Variants in UCHL1 observed in about 807,000 individuals in gnomAD.
UCHL1 encodes the protein ubiquitin carboxyl-terminal hydrolase isozyme L1.
UCHL1 carries 5 observed loss-of-function variants against 33.3 expected under a neutral mutation model. The ratio of observed to expected loss-of-function variants is 0.15; its 90% CI spans 0.08 to 0.32. The LOEUF is 0.32. Among genes scored for constraint, UCHL1 ranks in the 10% least tolerant of loss-of-function variants. UCHL1 has a pLI of 1.00. For synonymous variants in UCHL1, 132 were observed against 108.8 expected (o/e 1.21, Z -1.33); for missense variants, 236 against 280.0 (o/e 0.84, Z 1.12).
chr4:41,264,703 A>G (rs1448727385), intron 8 of UCHL1, among the ~76,000 whole-genome samples: 2 of 152,230 alleles, frequency 1.3e-5, no homozygotes, highest in Non-Finnish European at 2.9e-5. Context: ...TCCTGGACAG[A>G]AAAGTGATTC....
chr4:41,266,925 T>A (rs1219039685), intron 8 of UCHL1, among the ~76,000 whole-genome samples: 1 of 152,172 alleles, frequency 6.6e-6, no homozygotes, highest in African/African-American at 2.4e-5. Flanking sequence ...GTTGGTGATT[T>A]CTAAATTTTA....
At chr4:41,263,129 AAATC>A (rs1781099667) in intron 6 of UCHL1, 92 bp from the exon 7 acceptor site, 9 of 963,382 alleles carry the variant, frequency 9.3e-6, no homozygotes, top group South Asian at 2.6e-5. Context: ...TAATTTCTAA[AAATC>A]AAGTCAGTTC....
chr4:41,264,452 A>G (rs1354019764), intron 8 of UCHL1: 2 of 481,756 alleles, frequency 4.2e-6, no homozygotes, highest in African/African-American at 2.0e-5. Context: ...GATTAAGGTG[A>G]CCATTGTCCT....
chr4:41,257,253 G>C (rs1780991512), intron 2 of UCHL1, 127 bp downstream of exon 2: 7 of 1,442,512 alleles, frequency 4.9e-6, no homozygotes, highest in African/African-American at 1.4e-5. Flanking sequence ...GCCGGGCTGG[G>C]GCGTGGGCTG....
At chr4:41,264,426 C>A (rs1781122394) in intron 8 of UCHL1, 1 of 526,696 alleles carries the variant, frequency 1.9e-6, no homozygotes, top group South Asian at 2.0e-5. Flanking sequence ...AAAGCTGTTG[C>A]TTTGCTTCCT....
intron 8 of UCHL1, among the ~76,000 whole-genome samples, chr4:41,267,454 G>A (rs1781172594): frequency 6.6e-6 from 1 of 152,076 alleles, no homozygotes; most frequent in African/African-American, 2.4e-5. Context: ...CACCATGTTG[G>A]CCAGGATGGT....
chr4:41,261,295 G>T (rs1350319550), intron 4 of UCHL1, among the ~76,000 whole-genome samples: 1 of 152,196 alleles, frequency 6.6e-6, no homozygotes, highest in Non-Finnish European at 1.5e-5. Flanking sequence ...GTATATAATA[G>T]ATGTTAACTG....
chr4:41,264,281 T>A (rs1781120649), intron 8 of UCHL1, 120 bp downstream of exon 8: 1 of 1,249,536 alleles, frequency 8.0e-7, no homozygotes, highest in Non-Finnish European at 1.2e-6. Flanking sequence ...TTAATAGCAG[T>A]CTTTAGGGCT....
At chr4:41,264,050 G>T (rs1206202114) in intron 7 of UCHL1, 53 bp from the exon 8 acceptor site, 30 of 1,609,934 alleles carry the variant, frequency 1.9e-5, no homozygotes, top group Non-Finnish European at 2.2e-5. Context: ...AGGTAAGCAC[G>T]GTAGCCAGAA....
intron 6 of UCHL1, among the ~76,000 whole-genome samples, chr4:41,262,416 G>T (rs1248868554): frequency 6.6e-6 from 1 of 152,118 alleles, no homozygotes; most frequent in East Asian, 1.9e-4. Flanking sequence ...GCTGCACTCC[G>T]GTCTGGGTGA....
At chr4:41,262,142 A>C (rs1561081142) in intron 6 of UCHL1, among the ~76,000 whole-genome samples, 2 of 152,208 alleles carry the variant, frequency 1.3e-5, no homozygotes, top group Non-Finnish European at 2.9e-5. Flanking sequence ...GTAAATTCAA[A>C]TTGACAGTAT....
At chr4:41,260,387 G>T (rs1201440737) in intron 3 of UCHL1, among the ~76,000 whole-genome samples, 1 of 152,220 alleles carries the variant, frequency 6.6e-6, no homozygotes, top group Non-Finnish European at 1.5e-5. Flanking sequence ...TCTAGACACA[G>T]CCTTGGGCAG....
At chr4:41,263,330 A>G (rs1354089666) in intron 7 of UCHL1, 39 bp downstream of exon 7, 16 of 1,574,790 alleles carry the variant, frequency 1.0e-5, no homozygotes, top group Non-Finnish European at 1.4e-5. Flanking sequence ...GTGTAGTTTC[A>G]TGTGTTCTTT....
At chr4:41,257,282 C>G in intron 2 of UCHL1, 156 bp downstream of exon 2, 3 of 1,231,656 alleles carry the variant, frequency 2.4e-6, no homozygotes, top group Non-Finnish European at 3.3e-6. Context: ...TCCTGGGCCC[C>G]TGCATTTAGC....
At chr4:41,260,395 C>T (rs1420924408) in intron 3 of UCHL1, among the ~76,000 whole-genome samples, 1 of 152,160 alleles carries the variant, frequency 6.6e-6, no homozygotes, top group African/African-American at 2.4e-5. Context: ...CAGCCTTGGG[C>T]AGTATCCAAG....
chr4:41,261,658 A>G (rs1580925246), intron 4 of UCHL1, 57 bp from the exon 5 acceptor site: 2 of 1,571,786 alleles, frequency 1.3e-6, no homozygotes, highest in East Asian at 4.5e-5. Flanking sequence ...GTCAACAATA[A>G]ATATGTACCC....
At chr4:41,264,042 G>T in intron 7 of UCHL1, 61 bp from the exon 8 acceptor site, 1 of 1,605,956 alleles carries the variant, frequency 6.2e-7, no homozygotes, top group East Asian at 2.2e-5. Context: ...TCTAGGCTAG[G>T]TAAGCACGGT....
chr4:41,266,559 C>CT (rs532189313), intron 8 of UCHL1, among the ~76,000 whole-genome samples: 16 of 152,148 alleles, frequency 1.1e-4, no homozygotes, highest in African/African-American at 1.9e-4. Context: ...GAAGACAGGT[C>CT]TGGAATACTG....
chr4:41,258,983 G>C (rs1781028191), intron 3 of UCHL1, among the ~76,000 whole-genome samples: 1 of 152,216 alleles, frequency 6.6e-6, no homozygotes, highest in Admixed American at 6.5e-5. Flanking sequence ...CGGAGGTTTT[G>C]AGCAGCATTC....
Sources: allele counts gnomAD v4.1 joint callset (sites outside exome capture counted in the v4.1 genomes callset), GRCh38; gene constraint gnomAD v4.1.1; transcripts MANE v1.5; gene names NCBI Gene and HGNC (gene_info 2026-07-23, HGNC 2026-07-21).